Variants in ADGRV1 observed in about 807,000 individuals in gnomAD.
ADGRV1 encodes the protein G-protein coupled receptor 98.
Under a neutral mutation model 596.2 loss-of-function variants are expected in ADGRV1, and 359 were observed. The ratio of observed to expected loss-of-function variants is 0.60; its 90% CI spans 0.55 to 0.66. The LOEUF (loss-of-function observed/expected upper bound fraction) is 0.66, where lower values mean the gene tolerates loss of function less well. Among genes scored for constraint, ADGRV1 ranks in the 30% least tolerant of loss-of-function variants. The pLI, the probability that ADGRV1 is intolerant of heterozygous loss-of-function variation, is 0.00. For missense variants in ADGRV1, 7,274 were observed against 7,575.6 expected (o/e 0.96, Z 1.48); for synonymous variants, 2,681 against 2,679.2 (o/e 1.00, Z -0.02).
chr5:91,141,970 A>G (rs893959011), intron 87 of ADGRV1, among the ~76,000 whole-genome samples: 1 of 152,222 alleles, frequency 6.6e-6, no homozygotes, highest in Non-Finnish European at 1.5e-5. Context: ...ACCGCCAGGA[A>G]GACACCAACC....
intron 85 of ADGRV1, among the ~76,000 whole-genome samples, chr5:91,038,272 T>C (rs532913823): frequency 5.3e-5 from 8 of 152,108 alleles, no homozygotes; most frequent in African/African-American, 9.7e-5. Context: ...AGGAGCCAGA[T>C]TGGGTTTTGG....
At position 90,683,667 on chromosome 5, in the gene ADGRV1, A is replaced by G; in HGVS notation, c.5746A>G (p.Thr1916Ala). 2 of 1,613,572 alleles carry G rather than the reference A, an allele frequency of 1.2e-6. No homozygotes were observed. Among genetic ancestry groups the G allele is most frequent in the South Asian group, 2.2e-5 (2 of 91,072 alleles). The change falls in exon 28 of 90, where the codon ACC (threonine) becomes GCC (alanine). Residue 1916 changes from threonine (T) to alanine (A), a missense_variant. Coordinates refer to ENST00000405460, the MANE Select transcript of ADGRV1 (RefSeq NM_032119.4). ...DSDPDGDLAF[T>A]SGNITFEIGQ... ...TGATCCTGATGGTGATCTCGCCTTC[A>G]CCTCTGGCAACATCACATTTGAGAT...
chr5:90,688,629 G>A (rs187136718), intron 29 of ADGRV1, among the ~76,000 whole-genome samples: 36 of 152,160 alleles, frequency 2.4e-4, no homozygotes, highest in African/African-American at 7.7e-4. Flanking sequence ...TGCTGGTAGA[G>A]TTTTTATATA....
chr5:90,795,123 G>T (rs1760544422), intron 70 of ADGRV1, among the ~76,000 whole-genome samples: 1 of 143,718 alleles, frequency 7.0e-6, no homozygotes, highest in African/African-American at 2.6e-5. Flanking sequence ...TTACCTCAGT[G>T]GTGCCTGGAA....
At chr5:90,572,841 A>G (rs1415750037) in intron 1 of ADGRV1, among the ~76,000 whole-genome samples, 2 of 152,174 alleles carry the variant, frequency 1.3e-5, no homozygotes, top group Non-Finnish European at 2.9e-5. Context: ...AATTGGAATT[A>G]GAATGGACTG....
intron 43 of ADGRV1, among the ~76,000 whole-genome samples, chr5:90,719,062 G>A (rs1014712192): frequency 6.6e-6 from 1 of 152,110 alleles, no homozygotes; most frequent in African/African-American, 2.4e-5. Context: ...TTAAAGCTGG[G>A]CGTAGTGGCA....
rs192699119 is a variant in ADGRV1 at position 91,141,376 on chromosome 5, A to T, written c.18433-8654A>T. Among the ~76,000 whole-genome samples, 375 of 152,360 alleles carry T rather than the reference A, an allele frequency of 2.5e-3. 1 individual carries two copies. The highest frequency in any genetic ancestry group is 6.8e-3 in the Middle Eastern group (2 of 294). On this transcript the variant is annotated intron_variant, in intron 87 of 89. Coordinates refer to ENST00000405460, the MANE Select transcript of ADGRV1 (RefSeq NM_032119.4). ...ATTACTTAAACCATGCAAATATTTT[A>T]AAAAGCATTTGAGCAATAATTGCTT...
chr5:90,606,498 C>T (rs1405214116), intron 1 of ADGRV1, among the ~76,000 whole-genome samples: 1 of 152,048 alleles, frequency 6.6e-6, no homozygotes, highest in Admixed American at 6.5e-5. Context: ...ATAGCGACAA[C>T]TACAAAGAAG....
At chr5:90,824,287 C>G (rs962867955) in intron 76 of ADGRV1, among the ~76,000 whole-genome samples, 1 of 152,162 alleles carries the variant, frequency 6.6e-6, no homozygotes. Context: ...TGCTTTATAG[C>G]AATAACAAAT....
Position 90,614,864 on chromosome 5 carries a change from C to A in ADGRV1, c.52C>A (p.Leu18Ile). 1 of 1,610,018 alleles carries A rather than the reference C, an allele frequency of 6.2e-7. No homozygotes were observed. ...GMPSASLLVN[L>I]LSALLILFVF... is the part of the protein sequence containing the mutation. ...GCCCTCTGCATCTTTATTAGTAAAT[C>A]TTCTTTCAGCTTTACTCATCCTATT... Residue 18 changes from leucine (L) to isoleucine (I), a missense_variant, in exon 2 of 90, where the codon CTT becomes ATT. Leu to Ile is a conservative substitution (Grantham distance 5, BLOSUM62 2). Around this residue, in one of 5 missense-constraint regions of ADGRV1, gnomAD observed 1,715 missense variants for 1,708.8 expected, o/e 1.00. Coordinates refer to ENST00000405460, the MANE Select transcript of ADGRV1 (RefSeq NM_032119.4).
chr5:90,581,483 G>C (rs1758051415), intron 1 of ADGRV1, among the ~76,000 whole-genome samples: 1 of 152,186 alleles, frequency 6.6e-6, no homozygotes, highest in Admixed American at 6.5e-5. Flanking sequence ...ATTCCTTTCT[G>C]TTTGTGAGTT....
intron 85 of ADGRV1, among the ~76,000 whole-genome samples, chr5:91,044,268 C>T (rs1262310788): frequency 1.3e-5 from 2 of 151,934 alleles, no homozygotes. Flanking sequence ...ACAACATAAG[C>T]CTGATATTTT....
At chr5:90,796,135 T>C (rs796637823) in intron 70 of ADGRV1, among the ~76,000 whole-genome samples, 5 of 152,228 alleles carry the variant, frequency 3.3e-5, no homozygotes, top group African/African-American at 1.2e-4. Context: ...AGTTTGATGA[T>C]TGACAGAAGT....
intron 89 of ADGRV1, among the ~76,000 whole-genome samples, chr5:91,154,124 T>C (rs778229767): frequency 2.6e-5 from 4 of 152,196 alleles, no homozygotes; most frequent in Non-Finnish European, 4.4e-5. Context: ...ATTTTGAACA[T>C]TAAAAGAAAA....
intron 85 of ADGRV1, among the ~76,000 whole-genome samples, chr5:91,027,917 G>C (rs1418594199): frequency 1.3e-5 from 2 of 152,062 alleles, no homozygotes; most frequent in African/African-American, 4.8e-5. Flanking sequence ...CAAGCCAGCA[G>C]ACTTTCTTTT....
intron 11 of ADGRV1, 64 bp from the exon 12 acceptor site, chr5:90,642,572 G>T: frequency 5.7e-6 from 9 of 1,570,232 alleles, no homozygotes; most frequent in African/African-American, 1.4e-5. Flanking sequence ...TGCCTTAAAA[G>T]CCTGCAAAAT....
intron 83 of ADGRV1, among the ~76,000 whole-genome samples, chr5:90,890,969 C>T (rs1438820482): frequency 6.6e-6 from 1 of 151,660 alleles, no homozygotes; most frequent in East Asian, 1.9e-4. Context: ...TTGTACAAAA[C>T]AAAATGTATG....
At chr5:91,042,435 T>A (rs1785440446) in intron 85 of ADGRV1, among the ~76,000 whole-genome samples, 1 of 152,158 alleles carries the variant, frequency 6.6e-6, no homozygotes, top group South Asian at 2.1e-4. Context: ...TTCAAACAAA[T>A]GTTATATTGC....
At chr5:90,761,599 TG>T (rs1412799651) in intron 58 of ADGRV1, among the ~76,000 whole-genome samples, 1 of 152,234 alleles carries the variant, frequency 6.6e-6, no homozygotes, top group Non-Finnish European at 1.5e-5. Context: ...AAATAATTTT[TG>T]TTCATTTTAT....
Sources: gnomAD v4.1 joint callset for allele counts (sites outside exome capture counted in the v4.1 genomes callset) on GRCh38, gnomAD v4.1.1 for gene constraint, gnomAD v4.1.1 regional missense constraint, MANE v1.5 for transcripts, NCBI Gene and HGNC (gene_info 2026-07-23, HGNC 2026-07-21) for gene names.